Variants in GALK2 observed in about 807,000 individuals in gnomAD.
The protein encoded by GALK2 is galactokinase 2.
A neutral mutation model predicts 52.4 loss-of-function variants in GALK2; 36 were observed. The ratio of observed to expected loss-of-function variants is 0.69; its 90% CI spans 0.53 to 0.91. The LOEUF is 0.91. GALK2 is among the 40% of genes least tolerant of loss of function. The probability of loss-of-function intolerance (pLI) is 0.00; values close to 1 mark genes in which losing one functional copy is unlikely to be tolerated. For missense variants in GALK2, 579 were observed against 559.1 expected (o/e 1.04, Z -0.36); for synonymous variants, 176 against 199.1 (o/e 0.88, Z 0.98).
intron 4 of GALK2, among the ~76,000 whole-genome samples, chr15:49,237,133 G>A (rs2090854354): frequency 6.6e-6 from 1 of 152,160 alleles, no homozygotes; most frequent in African/African-American, 2.4e-5. Context: ...TGCAGCATAT[G>A]GGTAAAGTGG....
Position 49,258,827 on chromosome 15 carries a change from T to TGAGA in GALK2, c.504+19461_504+19462insAGAG, listed in dbSNP as rs1463410633. On this transcript the variant is annotated intron_variant, in intron 5 of 9. Transcript: ENST00000560031. Reference sequence around the variant, plus strand: ...GTGTGTGTGTGTGTGTGTGTGTGTGTGTGAGAGAGAGAGAGAGAGAGAGAG... The same window carrying TGAGA: ...GTGTGTGTGTGTGTGTGTGTGTGTGTGAGAGTGAGAGAGAGAGAGAGAGAGAGAG... Among the ~76,000 whole-genome samples, 1,135 of 123,650 alleles carry TGAGA rather than the reference T, an allele frequency of 9.2e-3. 13 individuals carry two copies. The highest frequency in any genetic ancestry group is 0.03 in the African/African-American group (987 of 33,406). 81.1% of individuals were successfully genotyped at this position (123,650 alleles called of 152,430 possible). A position where few individuals can be genotyped will look rare whatever the true frequency, so the allele number is the denominator to read the frequency against.
At chr15:49,360,948 C>T (rs1169256706) in intron 3 of GALK2, among the ~76,000 whole-genome samples, 1 of 152,144 alleles carries the variant, frequency 6.6e-6, no homozygotes, top group African/African-American at 2.4e-5. Context: ...AATCCTTACA[C>T]ATAGACAATA....
intron 9 of GALK2, 115 bp from the exon 10 acceptor site, chr15:49,327,837 A>G: frequency 1.1e-6 from 1 of 941,324 alleles, no homozygotes; most frequent in Non-Finnish European, 1.6e-6. Flanking sequence ...ACACCTAAAA[A>G]CCCCGCATGT....
At chr15:49,319,396 A>G (rs1282463465) in intron 8 of GALK2, among the ~76,000 whole-genome samples, 16 of 152,188 alleles carry the variant, frequency 1.1e-4, no homozygotes, top group Non-Finnish European at 2.4e-4. Flanking sequence ...TAGTTACAAG[A>G]TTTTATTCAG....
intron 1 of GALK2, among the ~76,000 whole-genome samples, chr15:49,193,737 T>A (rs927437275): frequency 1.3e-5 from 2 of 151,620 alleles, no homozygotes; most frequent in Admixed American, 6.6e-5. Context: ...TATTTTTATT[T>A]TTTTTTTTGA....
chr15:49,293,043 G>C (rs954045874), intron 8 of GALK2, among the ~76,000 whole-genome samples: 5 of 152,126 alleles, frequency 3.3e-5, no homozygotes, highest in African/African-American at 9.7e-5. Flanking sequence ...AATGTTGCAG[G>C]CACAGGATGG....
At position 49,328,141 on chromosome 15, in the gene GALK2, G is replaced by C. The variant is rs952021263; in HGVS notation, c.1359G>C (p.Leu453Phe). The C allele has an allele frequency of 2.5e-6, 4 of 1,613,846 alleles. No individual in the cohort carries two copies. Among genetic ancestry groups the C allele is most frequent in the Non-Finnish European group, 3.4e-6 (4 of 1,179,888 alleles). ...CTACCAAACCTGGAGGTGGGGCTTT[G>C]GTTTTGCTTGAGGCCTGAAAAAATG... ...LFATKPGGGA[L>F]VLLEA is the part of the protein sequence containing the mutation. Residue 453 changes from leucine (L) to phenylalanine (F), a missense_variant, in exon 10 of 10, where the codon TTG becomes TTC. Leu to Phe is a conservative substitution (Grantham distance 22, BLOSUM62 0). Coordinates refer to ENST00000560031, the MANE Select transcript of GALK2 (RefSeq NM_002044.4).
At chr15:49,213,963 A>G (rs934535327) in intron 2 of GALK2, among the ~76,000 whole-genome samples, 1 of 152,144 alleles carries the variant, frequency 6.6e-6, no homozygotes. Flanking sequence ...TAAAAAATAA[A>G]AAAAGATTTA....
At chr15:49,170,577 G>A (rs542057603) in intron 1 of GALK2, 1 of 561,524 alleles carries the variant, frequency 1.8e-6, no homozygotes, top group East Asian at 2.8e-5. Flanking sequence ...TACTACGAAG[G>A]GTTGTATGTT....
At chr15:49,299,759 C>CTTTTT (rs1349636560) in intron 8 of GALK2, among the ~76,000 whole-genome samples, 1 of 113,452 alleles carries the variant, frequency 8.8e-6, no homozygotes, top group African/African-American at 3.2e-5. Flanking sequence ...TTCTTTCTTT[C>CTTTTT]TTTCTTTCTT....
At chr15:49,191,549 T>C (rs745950308) in intron 1 of GALK2, among the ~76,000 whole-genome samples, 3 of 152,206 alleles carry the variant, frequency 2.0e-5, no homozygotes, top group Non-Finnish European at 4.4e-5. Context: ...AGATTCAGCT[T>C]ATGTATTTTT....
chr15:49,270,801 G>C (rs1234139341), intron 5 of GALK2, among the ~76,000 whole-genome samples: 3 of 152,088 alleles, frequency 2.0e-5, no homozygotes, highest in African/African-American at 7.2e-5. Flanking sequence ...ATCCATATTA[G>C]GAAAATTAGC....
intron 1 of GALK2, among the ~76,000 whole-genome samples, chr15:49,192,062 G>C (rs1366727261): frequency 6.6e-6 from 1 of 152,002 alleles, no homozygotes; most frequent in East Asian, 1.9e-4. Flanking sequence ...CTTCAGGTGG[G>C]TTTCTGTGTC....
chr15:49,180,427 T>A (rs1566909616), intron 1 of GALK2, among the ~76,000 whole-genome samples: 1 of 152,234 alleles, frequency 6.6e-6, no homozygotes, highest in Non-Finnish European at 1.5e-5. Context: ...AATTTCACCC[T>A]TCTCTACCTA....
intron 3 of GALK2, among the ~76,000 whole-genome samples, chr15:49,353,148 A>G (rs1385905910): frequency 2.6e-5 from 4 of 152,200 alleles, no homozygotes. Context: ...ATAGTGTGGA[A>G]AGTCAAATTC....
chr15:49,358,039 C>G (rs758295592), intron 3 of GALK2, among the ~76,000 whole-genome samples: 3,868 of 152,042 alleles, frequency 0.025, 164 homozygotes, highest in African/African-American at 0.089. Context: ...ATTCAACAAC[C>G]CTTCATGCTA....
rs116433063 is a variant in GALK2 at position 49,283,506 on chromosome 15, A to G, written c.604-60A>G. ...AACACTTTAAGATAAATACATAAAC[A>G]CTTGAACATTTTCTGCATTCTAATA... On this transcript the variant is annotated intron_variant, in intron 6 of 9. Coordinates refer to ENST00000560031, the MANE Select transcript of GALK2 (RefSeq NM_002044.4). The G allele has an allele frequency of 1.2e-3, 1,663 of 1,410,988 alleles. 18 individuals are homozygous for G. In the African/African-American group the frequency reaches 0.021, roughly 18 times the overall value. The allele number at this position is 1,410,988 out of a possible 1,614,324, so 87.4% of individuals were successfully genotyped here. A position where few individuals can be genotyped will look rare whatever the true frequency, so the allele number is the denominator to read the frequency against.
chr15:49,219,915 G>A (rs370755901), intron 3 of GALK2, among the ~76,000 whole-genome samples: 2 of 152,114 alleles, frequency 1.3e-5, no homozygotes, highest in South Asian at 2.1e-4. Context: ...TAAATGTGTA[G>A]TAGCATATTT....
At chr15:49,264,577 A>G (rs2092281776) in intron 5 of GALK2, among the ~76,000 whole-genome samples, 1 of 152,140 alleles carries the variant, frequency 6.6e-6, no homozygotes, top group African/African-American at 2.4e-5. Flanking sequence ...TCAGCTCGTC[A>G]AAGTCATTCT....
Sources: gnomAD v4.1 joint callset for allele counts (sites outside exome capture counted in the v4.1 genomes callset) on GRCh38, gnomAD v4.1.1 for gene constraint, MANE v1.5 for transcripts, NCBI Gene and HGNC (gene_info 2026-07-23, HGNC 2026-07-21) for gene names.